Variants in PICALM observed in about 807,000 individuals in gnomAD.
The protein encoded by PICALM is phosphatidylinositol binding clathrin assembly protein, also known as phosphatidylinositol-binding clathrin assembly protein.
In PICALM, 40 loss-of-function variants were observed where a neutral mutation model predicts 80.5. That is an observed-to-expected ratio of 0.50 (90% confidence interval 0.39 to 0.65). The LOEUF (loss-of-function observed/expected upper bound fraction) is 0.65. PICALM is among the 30% of genes least tolerant of loss of function. PICALM has a pLI of 0.00. For synonymous variants in PICALM, 288 were observed against 260.3 expected, an observed-to-expected ratio of 1.11 and a Z score of -1.02; for missense variants, 676 against 778.9, an observed-to-expected ratio of 0.87 and a Z score of 1.57.
At chr11:85,997,464 G>T (rs1309919480) in intron 11 of PICALM, among the ~76,000 whole-genome samples, 2 of 152,012 alleles carry the variant, frequency 1.3e-5, no homozygotes, top group Non-Finnish European at 2.9e-5. Context: ...CTATTTACAT[G>T]ATATATTTCT....
At chr11:85,971,463 C>T (rs1176987344) in intron 19 of PICALM, among the ~76,000 whole-genome samples, 3 of 149,980 alleles carry the variant, frequency 2.0e-5, no homozygotes, top group Non-Finnish European at 4.4e-5. Flanking sequence ...TGGGTGGGTA[C>T]GGTGGCTCAT....
chr11:85,959,557 C>T (rs2093617033), intron 19 of PICALM, among the ~76,000 whole-genome samples: 1 of 136,018 alleles, frequency 7.4e-6, no homozygotes, highest in African/African-American at 2.8e-5. Context: ...GGCTTGAACC[C>T]AGGAGGTGGA....
chr11:86,054,746 A>G (rs963099498), intron 1 of PICALM, among the ~76,000 whole-genome samples: 1 of 152,150 alleles, frequency 6.6e-6, no homozygotes, highest in Non-Finnish European at 1.5e-5. Context: ...ATTAGATCTC[A>G]GGCTCCTTTT....
At chr11:86,033,378 C>G (rs577574479) in intron 1 of PICALM, among the ~76,000 whole-genome samples, 3 of 151,936 alleles carry the variant, frequency 2.0e-5, no homozygotes, top group Non-Finnish European at 4.4e-5. Flanking sequence ...CTTCCCCCCA[C>G]TGCATCACTG....
intron 19 of PICALM, among the ~76,000 whole-genome samples, chr11:85,972,940 T>A (rs916270365): frequency 6.6e-6 from 1 of 152,188 alleles, no homozygotes; most frequent in Non-Finnish European, 1.5e-5. Flanking sequence ...AGATTACTGC[T>A]GGTAAAAGTT....
At chr11:86,009,223 G>A (rs955360118) in intron 7 of PICALM, among the ~76,000 whole-genome samples, 2 of 143,616 alleles carry the variant, frequency 1.4e-5, no homozygotes, top group African/African-American at 5.3e-5. Flanking sequence ...AACCTGGGAG[G>A]CAGAGGTTGC....
intron 1 of PICALM, among the ~76,000 whole-genome samples, chr11:86,044,097 A>G (rs2137122702): frequency 6.6e-6 from 1 of 152,362 alleles, no homozygotes; most frequent in African/African-American, 2.4e-5. Flanking sequence ...AATAGTGGAC[A>G]AAGTTTCTAT....
chr11:85,959,352 G>C (rs1038029757), intron 19 of PICALM, among the ~76,000 whole-genome samples: 14 of 151,954 alleles, frequency 9.2e-5, no homozygotes, highest in African/African-American at 3.4e-4. Flanking sequence ...CAATGGCTGG[G>C]CACCATAGCT....
intron 14 of PICALM, among the ~76,000 whole-genome samples, chr11:85,983,468 G>A (rs544678280): frequency 6.6e-6 from 1 of 152,114 alleles, no homozygotes; most frequent in Non-Finnish European, 1.5e-5. Flanking sequence ...GGTACCACAA[G>A]TTATATTATT....
intron 1 of PICALM, among the ~76,000 whole-genome samples, chr11:86,053,271 G>A (rs952337515): frequency 5.3e-5 from 8 of 152,190 alleles, no homozygotes; most frequent in African/African-American, 1.9e-4. Context: ...ACGAGGCTAA[G>A]CGTTCTGCCA....
At chr11:86,055,717 C>T (rs557673740) in intron 1 of PICALM, among the ~76,000 whole-genome samples, 1 of 152,288 alleles carries the variant, frequency 6.6e-6, no homozygotes, top group African/African-American at 2.4e-5. Context: ...CAAAAGTTAA[C>T]TCAAAATTGA....
At chr11:86,024,521 A>T (rs1171697413) in intron 3 of PICALM, among the ~76,000 whole-genome samples, 1 of 151,272 alleles carries the variant, frequency 6.6e-6, no homozygotes, top group Non-Finnish European at 1.5e-5. Context: ...AGAACAACTG[A>T]AACAGTCTCA....
At chr11:86,003,529 G>A in intron 8 of PICALM, 78 bp from the exon 9 acceptor site, 2 of 837,694 alleles carry the variant, frequency 2.4e-6, no homozygotes, top group Non-Finnish European at 3.7e-6. Context: ...TCTAATTAGA[G>A]AGCAACAAAA....
intron 11 of PICALM, 73 bp downstream of exon 11, chr11:86,000,570 A>G (rs2095112620): frequency 7.8e-7 from 1 of 1,277,980 alleles, no homozygotes; most frequent in Non-Finnish European, 1.1e-6. Flanking sequence ...GTAAACCTGA[A>G]AAGTTCTGCA....
chr11:85,963,920 CTTTTTTTTT>C (rs10686143), intron 19 of PICALM, among the ~76,000 whole-genome samples: 26 of 72,878 alleles, frequency 3.6e-4, no homozygotes, highest in Non-Finnish European at 5.6e-4. Flanking sequence ...CCACACCTGG[CTTTTTTTTT>C]TTTTTTTTTT....
chr11:85,961,975 G>C (rs1481262690), intron 19 of PICALM, among the ~76,000 whole-genome samples: 11 of 152,042 alleles, frequency 7.2e-5, no homozygotes, highest in Non-Finnish European at 1.0e-4. Context: ...TGGATGCCAA[G>C]ATCAATTTAT....
chr11:85,960,601 C>T (rs1051822692), intron 19 of PICALM: 7 of 585,602 alleles, frequency 1.2e-5, no homozygotes, highest in East Asian at 5.4e-5. Flanking sequence ...GAAAGAGAAG[C>T]GTGAATTGTG....
intron 19 of PICALM, among the ~76,000 whole-genome samples, chr11:85,961,855 C>CTGTT (rs1554999121): frequency 2.0e-5 from 3 of 149,366 alleles, no homozygotes; most frequent in African/African-American, 7.4e-5. Context: ...TTCTTTCTAC[C>CTGTT]TATTTATTTA....
At chr11:86,020,733 C>T (rs1355498126) in intron 4 of PICALM, among the ~76,000 whole-genome samples, 2 of 151,956 alleles carry the variant, frequency 1.3e-5, no homozygotes, top group East Asian at 3.9e-4. Context: ...AAAGTTAATT[C>T]CAAATAGATA....
Sources: allele counts gnomAD v4.1 joint callset (sites outside exome capture counted in the v4.1 genomes callset), GRCh38; gene constraint gnomAD v4.1.1; transcripts MANE v1.5; gene names NCBI Gene and HGNC (gene_info 2026-07-23, HGNC 2026-07-21).